KHDRBS2: variants seen among roughly 807,000 people sequenced by gnomAD.
KHDRBS2 encodes KH RNA binding domain containing, signal transduction associated 2.
KHDRBS2 carries 26 observed loss-of-function variants against 44.3 expected under a neutral mutation model. The observed-to-expected ratio is 0.59, with a 90% confidence interval of 0.43 to 0.81. The LOEUF is 0.81. Ranked by LOEUF, KHDRBS2 falls within the 40% of genes least tolerant of loss-of-function variation. The probability of loss-of-function intolerance (pLI) is 0.00; values close to 1 mark genes in which losing one functional copy is unlikely to be tolerated. For missense variants in KHDRBS2, 476 were observed against 433.1 expected (o/e 1.10, Z -0.88); for synonymous variants, 194 against 151.1 (o/e 1.28, Z -2.08).
chr6:61,701,855 AT>A (rs1280285131), intron 7 of KHDRBS2, among the ~76,000 whole-genome samples: 5 of 151,824 alleles, frequency 3.3e-5, no homozygotes, highest in African/African-American at 1.2e-4. Context: ...ACCATTTTAC[AT>A]TGTGTGTTTT....
chr6:61,547,378 C>A, the KHDRBS2 span, among the ~76,000 whole-genome samples: 1 of 151,992 alleles, frequency 6.6e-6, no homozygotes, highest in African/African-American at 2.4e-5. Context: ...ATAGTGTAAC[C>A]TCATTATCTT....
intron 2 of KHDRBS2, among the ~76,000 whole-genome samples, chr6:62,127,542 GA>G (rs1809256367): frequency 6.6e-6 from 1 of 151,780 alleles, no homozygotes; most frequent in African/African-American, 2.4e-5. Context: ...CATCTAATTT[GA>G]ATAATGGTTT....
intron 7 of KHDRBS2, among the ~76,000 whole-genome samples, chr6:61,723,520 A>G (rs1464002106): frequency 6.6e-6 from 1 of 152,122 alleles, no homozygotes; most frequent in Non-Finnish European, 1.5e-5. Context: ...ACTGCACTCC[A>G]GCCTGGCAAC....
chr6:61,797,801 G>A (rs1437138602), intron 6 of KHDRBS2, among the ~76,000 whole-genome samples: 1 of 150,074 alleles, frequency 6.7e-6, no homozygotes, highest in African/African-American at 2.4e-5. Flanking sequence ...ATATTATATT[G>A]AATATATTTT....
intron 4 of KHDRBS2, among the ~76,000 whole-genome samples, chr6:61,948,964 GGGAGCT>G (rs1424278295): frequency 6.6e-6 from 1 of 151,988 alleles, no homozygotes; most frequent in Non-Finnish European, 1.5e-5. Flanking sequence ...ATCCACCCAT[GGGAGCT>G]ACCTGCAACT....
chr6:62,242,071 T>C (rs1434112662), intron 1 of KHDRBS2, among the ~76,000 whole-genome samples: 1 of 152,158 alleles, frequency 6.6e-6, no homozygotes, highest in Non-Finnish European at 1.5e-5. Context: ...CTTTTCACTT[T>C]ACTTTGAAAA....
At chr6:61,706,790 A>G (rs1165014149) in intron 7 of KHDRBS2, among the ~76,000 whole-genome samples, 1 of 151,820 alleles carries the variant, frequency 6.6e-6, no homozygotes, top group Non-Finnish European at 1.5e-5. Context: ...AACCTACTTT[A>G]TCTCAGTTTA....
At chr6:62,059,556 A>T (rs1791220235) in intron 2 of KHDRBS2, among the ~76,000 whole-genome samples, 1 of 151,762 alleles carries the variant, frequency 6.6e-6, no homozygotes, top group Admixed American at 6.6e-5. Flanking sequence ...AATAAATTCT[A>T]ATCACAGATA....
At chr6:61,944,082 A>G (rs1364876737) in intron 4 of KHDRBS2, among the ~76,000 whole-genome samples, 1 of 152,202 alleles carries the variant, frequency 6.6e-6, no homozygotes, top group East Asian at 1.9e-4. Context: ...GTAAATTAGT[A>G]CAACCACTAT....
chr6:61,891,974 G>T (rs1801924459), intron 6 of KHDRBS2, among the ~76,000 whole-genome samples: 1 of 152,156 alleles, frequency 6.6e-6, no homozygotes, highest in Non-Finnish European at 1.5e-5. Context: ...CCTGTTTGCA[G>T]ATGACATGAT....
chr6:61,650,956 C>T, the KHDRBS2 span, among the ~76,000 whole-genome samples: 2 of 152,174 alleles, frequency 1.3e-5, no homozygotes, highest in Admixed American at 1.3e-4. Context: ...TGGCTATGTT[C>T]CCTTTTCCTT....
the KHDRBS2 span, among the ~76,000 whole-genome samples, chr6:61,569,053 G>A: frequency 3.0e-5 from 1 of 33,288 alleles, no homozygotes; most frequent in Non-Finnish European, 7.3e-5. Context: ...CATGGGGCAG[G>A]GTCTGATTGG....
At chr6:61,968,994 T>C (rs536985544) in intron 4 of KHDRBS2, among the ~76,000 whole-genome samples, 2 of 152,158 alleles carry the variant, frequency 1.3e-5, no homozygotes, top group South Asian at 4.1e-4. Context: ...ACATTAATAT[T>C]TATATTGCCT....
At chr6:62,050,329 A>C (rs925632660) in intron 2 of KHDRBS2, among the ~76,000 whole-genome samples, 15 of 151,858 alleles carry the variant, frequency 9.9e-5, no homozygotes, top group Middle Eastern at 3.2e-3. Flanking sequence ...GAAATACCTA[A>C]TGTAGATGAT....
intron 4 of KHDRBS2, among the ~76,000 whole-genome samples, chr6:61,967,339 C>A (rs1201502): frequency 0.68 from 103,849 of 151,774 alleles, 36,069 homozygotes; most frequent in African/African-American, 0.82. Context: ...AAAAGACAGT[C>A]ATTTATTTGA....
At chr6:61,570,002 T>C in the KHDRBS2 span, among the ~76,000 whole-genome samples, 3 of 152,096 alleles carry the variant, frequency 2.0e-5, no homozygotes, top group Non-Finnish European at 2.9e-5. Context: ...ATTCTGGTAT[T>C]ATGACAAAAC....
chr6:62,152,117 C>T (rs761888762), intron 2 of KHDRBS2, among the ~76,000 whole-genome samples: 5 of 151,968 alleles, frequency 3.3e-5, no homozygotes, highest in Non-Finnish European at 7.4e-5. Flanking sequence ...GTTGGGAGTT[C>T]GAGACCAGTC....
At chr6:62,065,429 T>C (rs190106876) in intron 2 of KHDRBS2, among the ~76,000 whole-genome samples, 2,772 of 144,580 alleles carry the variant, frequency 0.019, 49 homozygotes, top group Non-Finnish European at 0.032. Context: ...GTGGTACATA[T>C]ACACCATGGA....
intron 2 of KHDRBS2, among the ~76,000 whole-genome samples, chr6:62,069,212 C>G (rs1057411828): frequency 6.6e-6 from 1 of 151,584 alleles, no homozygotes; most frequent in East Asian, 2.0e-4. Flanking sequence ...AATAACTAGA[C>G]AGTTGATTAA....
Sources: gnomAD v4.1 joint callset for allele counts (sites outside exome capture counted in the v4.1 genomes callset) on GRCh38, gnomAD v4.1.1 for gene constraint, MANE v1.5 for transcripts, NCBI Gene and HGNC (gene_info 2026-07-23, HGNC 2026-07-21) for gene names.